ZNF879: variants seen among roughly 807,000 people sequenced by gnomAD.
ZNF879 encodes the protein zinc finger protein 879.
A neutral mutation model predicts 44.3 loss-of-function variants in ZNF879; 32 were observed. The observed-to-expected ratio is 0.72, with a 90% CI of 0.54 to 0.97. The LOEUF is 0.97. ZNF879 is among the 50% of genes least tolerant of loss of function. ZNF879 has a pLI of 0.00. For missense variants in ZNF879, 621 were observed against 669.7 expected, an observed-to-expected ratio of 0.93 and a Z score of 0.80; for synonymous variants, 234 against 233.2, an observed-to-expected ratio of 1.00 and a Z score of -0.03.
chr5:179,032,531 C>A lies in ZNF879; in HGVS notation c.583C>A (p.Leu195Met). 6.4e-7 allele frequency: 1 copy of A among 1,551,700 alleles called. No homozygotes were observed. Among genetic ancestry groups the A allele is most frequent in the Non-Finnish European group, 8.7e-7 (1 of 1,147,010 alleles). Residue 195 changes from leucine (L) to methionine (M), a missense_variant, in exon 5 of 5, where the codon CTG becomes ATG. Transcript: ENST00000444149. ...SQQYSVLFKQLGVNTVRKCYK... is the reference protein window; with the variant it reads ...SQQYSVLFKQMGVNTVRKCYK... ...GCAGTATTCAGTTCTCTTTAAACAA[C>A]TGGGGGTCAACACAGTGCGTAAATG...
intron 2 of ZNF879, among the ~76,000 whole-genome samples, chr5:179,025,317 A>G (rs1408172113): frequency 1.3e-5 from 2 of 151,130 alleles, no homozygotes; most frequent in South Asian, 2.1e-4. Context: ...CCTCCCTGGT[A>G]GCTGGGACTA....
intron 2 of ZNF879, among the ~76,000 whole-genome samples, chr5:179,025,276 G>C (rs1482072552): frequency 6.6e-6 from 1 of 151,524 alleles, no homozygotes; most frequent in African/African-American, 2.4e-5. Context: ...CTGGAGTGCA[G>C]TGGCACGGAC....
chr5:179,035,062 AAATT>A (rs1015181378), exon 5 of ZNF879: 1 of 151,254 alleles, frequency 6.6e-6, no homozygotes, highest in African/African-American at 2.4e-5. Context: ...AAAAAAAAAA[AAATT>A]AGCCGGCCAT....
chr5:179,024,123 G>A (rs1012715838), intron 1 of ZNF879, among the ~76,000 whole-genome samples: 5 of 152,332 alleles, frequency 3.3e-5, no homozygotes, highest in South Asian at 4.1e-4. Flanking sequence ...CTGGGCCGCA[G>A]CCTGGGCCGG....
At chr5:179,025,279 G>GCA (rs1480911001) in intron 2 of ZNF879, among the ~76,000 whole-genome samples, 1 of 151,746 alleles carries the variant, frequency 6.6e-6, no homozygotes, top group Non-Finnish European at 1.5e-5. Context: ...GAGTGCAGTG[G>GCA]CACGGACATG....
chr5:179,032,925 GTCAGTGCTCATC>G lies in ZNF879; in HGVS notation c.980_991del (p.Gln327_Ser330del). 6.4e-7 allele frequency: 1 copy of G among 1,566,784 alleles called. No homozygotes were observed. The highest frequency in any genetic ancestry group is 8.7e-7 in the Non-Finnish European group (1 of 1,155,752). On this transcript the variant is annotated inframe_deletion, in exon 5 of 5. Transcript: ENST00000444149. ...TGTAATGAATGTGGGAGGGCCTTCA[GTCAGTGCTCATC>G]TCTCATTCAGCACCACAGAATTCAT...
chr5:179,025,062 G>C (rs1761226246), intron 2 of ZNF879, 25 bp downstream of exon 2: 2 of 1,551,246 alleles, frequency 1.3e-6, no homozygotes, highest in Non-Finnish European at 1.7e-6. Flanking sequence ...CTTTTTGCTT[G>C]AACTGCCTTC....
intron 2 of ZNF879, 100 bp downstream of exon 2, chr5:179,025,137 A>G (rs1761228363): frequency 5.1e-6 from 7 of 1,380,396 alleles, no homozygotes; most frequent in African/African-American, 1.4e-5. Flanking sequence ...AAGCTCAGGG[A>G]AGGACCAGAG....
chr5:179,027,415 T>G (rs1761300148), intron 2 of ZNF879, 58 bp from the exon 3 acceptor site: 1 of 1,600,100 alleles, frequency 6.2e-7, no homozygotes, highest in Non-Finnish European at 8.5e-7. Flanking sequence ...GGGTTGCTTC[T>G]CAGTCTTCTC....
intron 4 of ZNF879, among the ~76,000 whole-genome samples, chr5:179,031,526 A>G (rs1005499936): frequency 2.6e-5 from 4 of 152,338 alleles, no homozygotes; most frequent in South Asian, 2.1e-4. Context: ...AGTTTAAAAT[A>G]GTTGCCTATT....
At chr5:179,024,747 C>T (rs1761212994) in intron 1 of ZNF879, 2 of 524,564 alleles carry the variant, frequency 3.8e-6, no homozygotes, top group African/African-American at 1.9e-5. Flanking sequence ...TCGCTCCTTT[C>T]GTCTTTATCG....
intron 4 of ZNF879, among the ~76,000 whole-genome samples, chr5:179,029,002 A>G (rs1395430423): frequency 6.6e-6 from 1 of 152,132 alleles, no homozygotes; most frequent in Non-Finnish European, 1.5e-5. Flanking sequence ...ACGGTTTTCA[A>G]AAAAGGTTCA....
intron 4 of ZNF879, among the ~76,000 whole-genome samples, chr5:179,030,780 A>G (rs1658535575): frequency 1.3e-5 from 2 of 152,224 alleles, no homozygotes; most frequent in African/African-American, 4.8e-5. Context: ...AAAAGGAAAT[A>G]CATTTCTTTT....
Position 179,027,828 on chromosome 5 carries a change from A to G in ZNF879, c.161-204A>G, listed in dbSNP as rs1037464953. Among the ~76,000 whole-genome samples the G allele has an allele frequency of 2.6e-5, 4 of 152,194 alleles. No individual in the cohort carries two copies. The South Asian group carries it at 8.3e-4, about 32-fold the overall frequency. ...CTGAGCTCTGTTCCCTGAGCCCCAC[A>G]GGGTGTTCCTGCTGAGAGGAGTGCA... is the stretch of plus-strand genomic sequence containing the variant. On this transcript the variant is annotated intron_variant, in intron 3 of 4. Coordinates refer to ENST00000444149, the MANE Select transcript of ZNF879 (RefSeq NM_001136116.3).
rs1487721277 is a variant in ZNF879, at chr5:179,034,876, T to C, written c.*1236T>C. On this transcript the variant is annotated 3_prime_UTR_variant, in exon 5 of 5. Coordinates refer to ENST00000444149, the MANE Select transcript of ZNF879 (RefSeq NM_001136116.3). The stretch of plus-strand genomic sequence containing the variant: ...TTAAGGGCTGAAACGACCCATTTCA[T>C]AAAGTGCTAAGTTTTTCTGCCAAGG... The C allele has an allele frequency of 1.3e-5, 2 of 152,138 alleles. No homozygotes were observed. The highest frequency in any genetic ancestry group is 2.9e-5 in the Non-Finnish European group (2 of 68,034). 9.4% of individuals were successfully genotyped at this position (152,138 alleles called of 1,614,324 possible). A position where few individuals can be genotyped will look rare whatever the true frequency, so the allele number is the denominator to read the frequency against.
chr5:179,027,387 G>C, intron 2 of ZNF879, 86 bp from the exon 3 acceptor site: 1 of 1,548,538 alleles, frequency 6.5e-7, no homozygotes, highest in Non-Finnish European at 8.8e-7. Flanking sequence ...GAAATACTTA[G>C]AACCCTAAGT....
chr5:179,033,742 G>A lies in ZNF879; in HGVS notation c.*102G>A. On this transcript the variant is annotated 3_prime_UTR_variant, in exon 5 of 5. Coordinates refer to ENST00000444149, the MANE Select transcript of ZNF879 (RefSeq NM_001136116.3). Reference sequence around the variant, plus strand: ...AGTGATGAAGAGTAGTTAATCATAGGTAAAACTTCAGCATTAGACCTCATC... The same window carrying A: ...AGTGATGAAGAGTAGTTAATCATAGATAAAACTTCAGCATTAGACCTCATC... The A allele has an allele frequency of 1.1e-6, 1 of 887,668 alleles. No individual in the cohort carries two copies. The highest frequency in any genetic ancestry group is 2.5e-4 in the Middle Eastern group (1 of 4,060). 55.0% of individuals were successfully genotyped at this position (887,668 alleles called of 1,614,324 possible).
chr5:179,030,830 C>G (rs565273162), intron 4 of ZNF879, among the ~76,000 whole-genome samples: 1 of 152,096 alleles, frequency 6.6e-6, no homozygotes, highest in Non-Finnish European at 1.5e-5. Context: ...TCTTAAGTAA[C>G]CAAAAAGGTA....
intron 2 of ZNF879, among the ~76,000 whole-genome samples, chr5:179,025,262 CA>C (rs543490544): frequency 2.0e-4 from 31 of 151,892 alleles, no homozygotes; most frequent in African/African-American, 7.2e-4. Context: ...CTCTGTTACC[CA>C]GGCTGGAGTG....
Sources: gnomAD v4.1 joint callset for allele counts (sites outside exome capture counted in the v4.1 genomes callset) on GRCh38, gnomAD v4.1.1 for gene constraint, MANE v1.5 for transcripts, NCBI Gene and HGNC (gene_info 2026-07-23, HGNC 2026-07-21) for gene names.